The following SLC1A3 variants were observed in gnomAD, a reference collection of about 807,000 sequenced individuals.
SLC1A3 encodes solute carrier family 1 member 3, also known as excitatory amino acid transporter 1.
SLC1A3 carries 21 observed loss-of-function variants against 48.1 expected under a neutral mutation model. That is an observed-to-expected ratio of 0.44 (90% confidence interval 0.31 to 0.63). SLC1A3 has a LOEUF of 0.63. Ranked by LOEUF, SLC1A3 falls within the 20% of genes least tolerant of loss-of-function variation. SLC1A3 has a pLI of 0.08. For missense variants in SLC1A3, 546 were observed against 689.0 expected (o/e 0.79, Z 2.32); for synonymous variants, 239 against 251.4 (o/e 0.95, Z 0.47).
chr5:36,679,829 G>A lies in SLC1A3; in HGVS notation c.1063G>A (p.Ala355Thr). 1 of 1,614,042 alleles carries A rather than the reference G, an allele frequency of 6.2e-7. No homozygotes were observed. The highest frequency in any genetic ancestry group is 1.3e-5 in the African/African-American group (1 of 75,018). Residue 355 changes from alanine to threonine, a missense_variant, in exon 7 of 10, where the codon GCA becomes ACA. Around this residue, in one of 3 missense-constraint regions of SLC1A3, gnomAD observed 142 missense variants for 238.0 expected, o/e 0.60. Coordinates refer to ENST00000265113, the MANE Select transcript of SLC1A3 (RefSeq NM_004172.5). Reference sequence around the variant, plus strand: ...GGTTTTTATTGGAGGGTTGCTGCAAGCACTCATCACCGCTCTGGGGACCTC... The same window carrying A: ...GGTTTTTATTGGAGGGTTGCTGCAAACACTCATCACCGCTCTGGGGACCTC... Reference protein sequence around the residue: ...PWVFIGGLLQALITALGTSSS... With the variant: ...PWVFIGGLLQTLITALGTSSS...
intron 3 of SLC1A3, among the ~76,000 whole-genome samples, chr5:36,651,141 T>TAAA (rs58660599): frequency 8.7e-6 from 1 of 114,580 alleles, no homozygotes; most frequent in African/African-American, 3.6e-5. Flanking sequence ...AAGTTTTTTT[T>TAAA]AAAAAAAAAA....
intron 1 of SLC1A3, among the ~76,000 whole-genome samples, chr5:36,599,612 C>G (rs1738783952): frequency 6.8e-6 from 1 of 146,644 alleles, no homozygotes; most frequent in South Asian, 2.2e-4. Flanking sequence ...AGGGTTCAAG[C>G]GATTCTCCTG....
At chr5:36,659,331 A>G (rs529431883) in intron 3 of SLC1A3, among the ~76,000 whole-genome samples, 8 of 152,356 alleles carry the variant, frequency 5.3e-5, no homozygotes, top group Non-Finnish European at 1.2e-4. Context: ...TGAAGCACTC[A>G]GCACAGTGCC....
rs1271902654 is a variant in SLC1A3 at position 36,687,170 on chromosome 5, A to C, written c.*901A>C. The C allele has an allele frequency of 1.3e-5, 2 of 152,220 alleles. No individual in the cohort carries two copies. The highest frequency in any genetic ancestry group is 4.8e-5 in the African/African-American group (2 of 41,442). 9.4% of individuals were successfully genotyped at this position (152,220 alleles called of 1,614,324 possible). ...ATTCATCAAACTCTTTGCCCAGTTC[A>C]TCCCAATGGGGGAAGTATTCCCTTC... On this transcript the variant is annotated 3_prime_UTR_variant, in exon 10 of 10. Coordinates refer to ENST00000265113, the MANE Select transcript of SLC1A3 (RefSeq NM_004172.5).
chr5:36,627,439 T>C (rs1739954022), intron 2 of SLC1A3, among the ~76,000 whole-genome samples: 2 of 151,966 alleles, frequency 1.3e-5, no homozygotes, highest in South Asian at 4.2e-4. Context: ...TTTCGTAACA[T>C]GGATTCAGGT....
In SLC1A3 at chr5:36,686,286, A is replaced by ACTTT; in HGVS notation, c.*21_*24dup. The ACTTT allele has an allele frequency of 6.3e-7, 1 of 1,577,872 alleles. No individual in the cohort carries two copies. The highest frequency in any genetic ancestry group is 8.7e-7 in the Non-Finnish European group (1 of 1,147,060). On this transcript the variant is annotated 3_prime_UTR_variant, in exon 10 of 10. Transcript: ENST00000265113. ...AAGATGTAGACTAACATAAAGAAAC[A>ACTTT]CTTTCTTGAGCACCAGGTGTTAAAA...
At chr5:36,623,699 C>CAAA (rs35449337) in intron 2 of SLC1A3, among the ~76,000 whole-genome samples, 35 of 125,102 alleles carry the variant, frequency 2.8e-4, no homozygotes, top group African/African-American at 9.7e-4. Flanking sequence ...ACTAAAAATA[C>CAAA]AAAAAAAAAA....
intron 2 of SLC1A3, among the ~76,000 whole-genome samples, chr5:36,621,396 G>T (rs1028166709): frequency 6.6e-6 from 1 of 152,128 alleles, no homozygotes; most frequent in African/African-American, 2.4e-5. Flanking sequence ...GTGGATCTAG[G>T]GGGGCTTGCC....
chr5:36,680,335 G>C, intron 7 of SLC1A3, 60 bp from the exon 8 acceptor site: 2 of 1,428,766 alleles, frequency 1.4e-6, no homozygotes, highest in Non-Finnish European at 2.0e-6. Flanking sequence ...AAGACCAAAC[G>C]CACAGACAGT....
At chr5:36,683,690 A>G (rs1192276824) in intron 8 of SLC1A3, among the ~76,000 whole-genome samples, 174 bp from the exon 9 acceptor site, 1 of 142,246 alleles carries the variant, frequency 7.0e-6, no homozygotes, top group East Asian at 2.0e-4. Flanking sequence ...CCTGGGCAAC[A>G]GAGTGAGATA....
intron 5 of SLC1A3, among the ~76,000 whole-genome samples, chr5:36,675,164 GT>G (rs1012866408): frequency 6.6e-6 from 1 of 151,026 alleles, no homozygotes; most frequent in African/African-American, 2.4e-5. Flanking sequence ...GTCTCCCTTT[GT>G]TTTTTTTCCC....
chr5:36,599,002 G>T (rs1364168919), intron 1 of SLC1A3, among the ~76,000 whole-genome samples: 1 of 152,240 alleles, frequency 6.6e-6, no homozygotes, highest in African/African-American at 2.4e-5. Flanking sequence ...GTCAATATAA[G>T]TATTAATGAG....
intron 3 of SLC1A3, chr5:36,668,549 A>AAT (rs1379304941): frequency 6.6e-6 from 1 of 152,150 alleles, no homozygotes; most frequent in Non-Finnish European, 1.5e-5. Context: ...GTGATTAATG[A>AAT]ATATACCTCC....
intron 2 of SLC1A3, among the ~76,000 whole-genome samples, chr5:36,620,297 C>T (rs1399886192): frequency 6.6e-6 from 1 of 152,194 alleles, no homozygotes; most frequent in Non-Finnish European, 1.5e-5. Context: ...CACACTTGCT[C>T]TCCCTTCTAC....
intron 2 of SLC1A3, among the ~76,000 whole-genome samples, chr5:36,614,053 G>A (rs1739325914): frequency 6.6e-6 from 1 of 152,156 alleles, no homozygotes; most frequent in African/African-American, 2.4e-5. Flanking sequence ...TATGTGCTCT[G>A]GAGTCAGACA....
chr5:36,607,646 A>G (rs1739007372), intron 1 of SLC1A3, among the ~76,000 whole-genome samples: 1 of 152,216 alleles, frequency 6.6e-6, no homozygotes, highest in Admixed American at 6.5e-5. Context: ...ACGAAGCTGA[A>G]TTGTGATTTC....
At chr5:36,658,473 T>C (rs898166547) in intron 3 of SLC1A3, among the ~76,000 whole-genome samples, 1 of 152,158 alleles carries the variant, frequency 6.6e-6, no homozygotes, top group Non-Finnish European at 1.5e-5. Flanking sequence ...AAATGATGCA[T>C]ATTGAGTCTA....
At chr5:36,668,424 C>G (rs1220808011) in intron 3 of SLC1A3, 2 of 152,184 alleles carry the variant, frequency 1.3e-5, no homozygotes, top group East Asian at 3.8e-4. Context: ...CAGTGTACTG[C>G]CTTGTTCCTG....
At position 36,608,465 on chromosome 5, in the gene SLC1A3, G is replaced by A. The variant is rs367927935; in HGVS notation, c.42G>A (p.Arg14=). ...SNGEEPKMGG[R]MERFQQGVRK... ...GAGAAGAGCCCAAGATGGGGGGCAGGATGGAGAGATTCCAGCAGGGAGTCC... is the reference window on the plus strand; with the variant it reads ...GAGAAGAGCCCAAGATGGGGGGCAGAATGGAGAGATTCCAGCAGGGAGTCC... Residue 14 remains arginine, a synonymous_variant, in exon 2 of 10, where the codon AGG becomes AGA. Transcript: ENST00000265113. The A allele has an allele frequency of 1.2e-6, 2 of 1,613,972 alleles. No individual in the cohort carries two copies. The highest frequency in any genetic ancestry group is 1.3e-5 in the African/African-American group (1 of 74,918).
Sources: allele counts gnomAD v4.1 joint callset (sites outside exome capture counted in the v4.1 genomes callset), GRCh38; gene constraint gnomAD v4.1.1; regional missense constraint gnomAD v4.1.1; transcripts MANE v1.5; gene names NCBI Gene and HGNC (gene_info 2026-07-23, HGNC 2026-07-21).